Variants in NMNAT3 observed in about 807,000 individuals in gnomAD.
The protein encoded by NMNAT3 is nicotinamide/nicotinic acid mononucleotide adenylyltransferase 3.
Under a neutral mutation model 24.8 loss-of-function variants are expected in NMNAT3, and 21 were observed. The ratio of observed to expected loss-of-function variants is 0.85; its 90% CI spans 0.60 to 1.22. The LOEUF (loss-of-function observed/expected upper bound fraction) is 1.22. Ranked by LOEUF, NMNAT3 falls within the 50% of genes most tolerant of loss-of-function variation. The probability of loss-of-function intolerance (pLI) is 0.00; values close to 1 mark genes in which losing one functional copy is unlikely to be tolerated. For missense variants in NMNAT3, 387 were observed against 436.6 expected (o/e 0.89, Z 1.01); for synonymous variants, 136 against 155.2 (o/e 0.88, Z 0.92).
At position 139,564,493 on chromosome 3, in the gene NMNAT3, AAGAC is replaced by A. The variant is rs1200508517; in HGVS notation, c.659-3105_659-3102del. Among the ~76,000 whole-genome samples the A allele has an allele frequency of 2.6e-5, 4 of 152,164 alleles. No individual in the cohort carries two copies. In the East Asian group the frequency reaches 7.7e-4, roughly 29 times the overall value. On this transcript the variant is annotated intron_variant, in intron 6 of 6. Coordinates refer to ENST00000643695, the MANE Select transcript of NMNAT3 (RefSeq NM_001320510.2). Reference sequence around the variant, plus strand: ...CCATGGGTGGGCGCCACCTTCACAAAAGACAGACAGAGTCAGCTGTTAAAGAACT... The same window carrying A: ...CCATGGGTGGGCGCCACCTTCACAAAAGACAGAGTCAGCTGTTAAAGAACT...
At chr3:139,569,352 A>C (rs1449573127) in intron 6 of NMNAT3, 1 of 152,158 alleles carries the variant, frequency 6.6e-6, no homozygotes, top group Admixed American at 6.5e-5. Flanking sequence ...ATTTAAAGTT[A>C]ATATTGTTAT....
intron 1 of NMNAT3, among the ~76,000 whole-genome samples, chr3:139,643,619 A>T (rs1385638014): frequency 6.6e-6 from 1 of 152,232 alleles, no homozygotes; most frequent in Non-Finnish European, 1.5e-5. Flanking sequence ...CTAAGTAAAA[A>T]TAAGCCAGTC....
At chr3:139,663,784 T>C (rs1371807740) in intron 1 of NMNAT3, among the ~76,000 whole-genome samples, 1 of 152,194 alleles carries the variant, frequency 6.6e-6, no homozygotes, top group African/African-American at 2.4e-5. Flanking sequence ...CCAGCTCAAG[T>C]ACTGCCCGTG....
At chr3:139,613,073 G>C (rs1195698304) in intron 3 of NMNAT3, among the ~76,000 whole-genome samples, 1 of 152,072 alleles carries the variant, frequency 6.6e-6, no homozygotes, top group Non-Finnish European at 1.5e-5. Flanking sequence ...CATAGGCATG[G>C]GCAAGGACTT....
chr3:139,571,285 C>T (rs1389893957), intron 6 of NMNAT3: 1 of 152,438 alleles, frequency 6.6e-6, no homozygotes, highest in African/African-American at 2.4e-5. Context: ...TTCCCTGACC[C>T]CTTGTGCTTC....
chr3:139,596,916 G>GTGTGTA (rs1393197797), intron 3 of NMNAT3, among the ~76,000 whole-genome samples: 44 of 97,130 alleles, frequency 4.5e-4, no homozygotes, highest in Non-Finnish European at 6.0e-4. Context: ...TGTCATGTGT[G>GTGTGTA]TATATATATA....
chr3:139,617,036 G>A (rs1183248941), intron 3 of NMNAT3, among the ~76,000 whole-genome samples: 1 of 152,102 alleles, frequency 6.6e-6, no homozygotes, highest in African/African-American at 2.4e-5. Context: ...TGAATCCCCT[G>A]ACTCCAGCGA....
In NMNAT3 at chr3:139,595,458, T is replaced by G. The variant is rs556836539; in HGVS notation, c.110-12250A>C. 8.3e-4 allele frequency among the ~76,000 whole-genome samples: 126 copies of G among 152,302 alleles called. 2 individuals are homozygous for G. Among genetic ancestry groups the G allele is most frequent in the Non-Finnish European group, 3.8e-4 (26 of 68,026 alleles). ...ACTTTCTTCACAGAATTGGAAAAACTACTTTAAAGTTCATATGGAACCAAA... is the reference window on the plus strand; with the variant it reads ...ACTTTCTTCACAGAATTGGAAAAACGACTTTAAAGTTCATATGGAACCAAA... On this transcript the variant is annotated intron_variant, in intron 3 of 6. Coordinates refer to ENST00000643695, the MANE Select transcript of NMNAT3 (RefSeq NM_001320510.2).
intron 3 of NMNAT3, among the ~76,000 whole-genome samples, chr3:139,583,865 G>A (rs1334410292): frequency 1.3e-5 from 2 of 152,244 alleles, no homozygotes; most frequent in Non-Finnish European, 2.9e-5. Flanking sequence ...GGCTGTGATC[G>A]CGCACGGACC....
chr3:139,642,083 T>A (rs2056723684), intron 1 of NMNAT3, among the ~76,000 whole-genome samples: 5 of 152,134 alleles, frequency 3.3e-5, no homozygotes. Context: ...TTTCCCTCCC[T>A]CCCCTGGACA....
chr3:139,674,125 A>G (rs2057849566), intron 1 of NMNAT3, among the ~76,000 whole-genome samples: 1 of 152,202 alleles, frequency 6.6e-6, no homozygotes, highest in African/African-American at 2.4e-5. Flanking sequence ...TTCTGGGTGG[A>G]AAGAGCAGAC....
intron 3 of NMNAT3, among the ~76,000 whole-genome samples, chr3:139,622,898 A>T: frequency 6.8e-6 from 1 of 146,616 alleles, no homozygotes; most frequent in African/African-American, 2.5e-5. Context: ...ACTTACCATG[A>T]ATGGAGCTGC....
intron 3 of NMNAT3, among the ~76,000 whole-genome samples, chr3:139,592,364 G>A (rs1193181783): frequency 2.0e-5 from 3 of 152,158 alleles, no homozygotes; most frequent in African/African-American, 7.2e-5. Context: ...GAAAGTGACG[G>A]GGAGAATGGA....
At chr3:139,610,509 C>T (rs143246537) in intron 3 of NMNAT3, among the ~76,000 whole-genome samples, 1 of 152,272 alleles carries the variant, frequency 6.6e-6, no homozygotes, top group East Asian at 1.9e-4. Context: ...ACTATCTTCT[C>T]CAGAAAAATC....
At chr3:139,594,562 A>C (rs2054356264) in intron 3 of NMNAT3, among the ~76,000 whole-genome samples, 1 of 152,246 alleles carries the variant, frequency 6.6e-6, no homozygotes, top group African/African-American at 2.4e-5. Flanking sequence ...AAAAATCCTC[A>C]ATAAAATACT....
intron 1 of NMNAT3, among the ~76,000 whole-genome samples, chr3:139,675,781 T>C (rs2057910521): frequency 6.6e-6 from 1 of 152,250 alleles, no homozygotes; most frequent in Non-Finnish European, 1.5e-5. Flanking sequence ...CTGCTCTATG[T>C]ATTTTAGGTC....
intron 3 of NMNAT3, among the ~76,000 whole-genome samples, chr3:139,593,669 G>C (rs1421342241): frequency 6.0e-5 from 9 of 149,372 alleles, no homozygotes; most frequent in Admixed American, 6.0e-4. Flanking sequence ...ACTCAAAACC[G>C]CTCAACTACA....
At chr3:139,666,715 A>G (rs974394072) in intron 1 of NMNAT3, among the ~76,000 whole-genome samples, 1 of 151,160 alleles carries the variant, frequency 6.6e-6, no homozygotes, top group African/African-American at 2.4e-5. Flanking sequence ...CTATTAACCA[A>G]CCTCCCTTTA....
intron 5 of NMNAT3, chr3:139,575,807 G>C: frequency 8.4e-7 from 1 of 1,194,822 alleles, no homozygotes; most frequent in Non-Finnish European, 1.1e-6. Flanking sequence ...CAGTCCCACT[G>C]GTCTTCAGGA....
Sources: allele counts gnomAD v4.1 joint callset (sites outside exome capture counted in the v4.1 genomes callset), GRCh38; gene constraint gnomAD v4.1.1; transcripts MANE v1.5; gene names NCBI Gene and HGNC (gene_info 2026-07-23, HGNC 2026-07-21).